The following DLC1 variants were observed in gnomAD, a reference collection of about 807,000 sequenced individuals.
DLC1 encodes DLC1 Rho GTPase activating protein, also known as rho GTPase-activating protein 7.
DLC1 carries 54 observed loss-of-function variants against 140.3 expected under a neutral mutation model. The ratio of observed to expected loss-of-function variants is 0.38; its 90% CI spans 0.31 to 0.48. The LOEUF (loss-of-function observed/expected upper bound fraction) is 0.48, where lower values mean the gene tolerates loss of function less well. DLC1 is among the 20% of genes least tolerant of loss of function. The pLI is 0.96. For missense variants in DLC1, 2,536 were observed against 1,907.0 expected (o/e 1.33, Z -6.14); for synonymous variants, 986 against 728.1 (o/e 1.35, Z -5.70).
chr8:13,088,796 A>G, intron 15 of DLC1, 92 bp from the exon 16 acceptor site: 1 of 1,042,400 alleles, frequency 9.6e-7, no homozygotes, highest in South Asian at 1.5e-5. Flanking sequence ...AATTTTAGTT[A>G]CATATAATCA....
chr8:13,236,835 G>C (rs1248394188), intron 5 of DLC1, among the ~76,000 whole-genome samples: 1 of 151,870 alleles, frequency 6.6e-6, no homozygotes, highest in Non-Finnish European at 1.5e-5. Context: ...CCCATGAGAA[G>C]TGTTCAGTGC....
intron 5 of DLC1, chr8:13,132,831 G>A: frequency 7.6e-7 from 1 of 1,319,220 alleles, no homozygotes; most frequent in Admixed American, 2.0e-5. Context: ...AGCGTTTAAA[G>A]AGCACAGAAC....
intron 6 of DLC1, among the ~76,000 whole-genome samples, chr8:13,113,104 G>C (rs1240799588): frequency 6.6e-6 from 1 of 152,158 alleles, no homozygotes; most frequent in Non-Finnish European, 1.5e-5. Context: ...TGCAAGTGAG[G>C]AGTGTAAGAA....
At chr8:13,484,425 C>T (rs939705248) in intron 2 of DLC1, among the ~76,000 whole-genome samples, 3 of 152,072 alleles carry the variant, frequency 2.0e-5, no homozygotes, top group East Asian at 1.9e-4. Flanking sequence ...ATCTAGCAGC[C>T]GTTCTCAATA....
intron 1 of DLC1, among the ~76,000 whole-genome samples, chr8:13,551,708 T>C (rs557971213): frequency 1.3e-5 from 2 of 151,942 alleles, no homozygotes; most frequent in South Asian, 2.1e-4. Flanking sequence ...GGCAAACATA[T>C]GTATCTATCA....
At chr8:13,168,791 G>A (rs1395663254) in intron 5 of DLC1, among the ~76,000 whole-genome samples, 2 of 152,294 alleles carry the variant, frequency 1.3e-5, no homozygotes, top group East Asian at 1.9e-4. Context: ...ACGGACACAC[G>A]GGTGACCTTC....
chr8:13,393,746 C>A (rs1258557166), intron 3 of DLC1, 53 bp from the exon 4 acceptor site: 9 of 1,570,282 alleles, frequency 5.7e-6, no homozygotes, highest in Non-Finnish European at 7.8e-6. Context: ...TTCCCAAATG[C>A]CCTTCTTCCT....
chr8:13,107,749 T>TCAGA (rs1819687101), intron 7 of DLC1, among the ~76,000 whole-genome samples: 1 of 152,168 alleles, frequency 6.6e-6, no homozygotes, highest in Non-Finnish European at 1.5e-5. Flanking sequence ...GAACTTGTAC[T>TCAGA]ACGTTTTAAA....
chr8:13,290,587 A>G (rs1220574625), intron 5 of DLC1, among the ~76,000 whole-genome samples: 1 of 152,292 alleles, frequency 6.6e-6, no homozygotes, highest in South Asian at 2.1e-4. Context: ...ATAGTAGGGG[A>G]AAAATGTCTT....
At chr8:13,487,649 C>T (rs1319164556) in intron 2 of DLC1, among the ~76,000 whole-genome samples, 1 of 151,816 alleles carries the variant, frequency 6.6e-6, no homozygotes, top group Non-Finnish European at 1.5e-5. Flanking sequence ...GTTCGGCTCA[C>T]TGCAACCTCC....
intron 2 of DLC1, among the ~76,000 whole-genome samples, chr8:13,474,992 T>G (rs944460756): frequency 1.3e-5 from 2 of 152,176 alleles, no homozygotes; most frequent in African/African-American, 4.8e-5. Flanking sequence ...ATTTTTGTGG[T>G]TGTTGAGAAA....
chr8:13,523,363 A>T (rs571735623), intron 1 of DLC1, among the ~76,000 whole-genome samples: 11 of 152,322 alleles, frequency 7.2e-5, no homozygotes, highest in African/African-American at 2.4e-4. Context: ...TGGAGTCATC[A>T]TCAATTAAAA....
At chr8:13,213,972 T>C (rs1224211720) in intron 5 of DLC1, among the ~76,000 whole-genome samples, 1 of 152,060 alleles carries the variant, frequency 6.6e-6, no homozygotes, top group African/African-American at 2.4e-5. Flanking sequence ...TTAGTAGAGA[T>C]GGGGTTTCTC....
intron 4 of DLC1, among the ~76,000 whole-genome samples, chr8:13,344,363 C>T (rs988569076): frequency 6.6e-6 from 1 of 152,120 alleles, no homozygotes; most frequent in Non-Finnish European, 1.5e-5. Flanking sequence ...CATGGTGGCA[C>T]ATGCCTGTAA....
intron 1 of DLC1, among the ~76,000 whole-genome samples, chr8:13,537,919 T>C (rs1585253038): frequency 6.6e-6 from 1 of 151,934 alleles, no homozygotes; most frequent in African/African-American, 2.4e-5. Flanking sequence ...CTCCCAAAGT[T>C]CTGGGATTAC....
chr8:13,304,736 C>T lies in DLC1; in HGVS notation c.1348+533G>A, dbSNP rs898044794. On this transcript the variant is annotated intron_variant, in intron 5 of 17. Transcript: ENST00000276297. ...AATTTTTCATATTTTCATTTCTCATCAGTCCTTGTCCATTTCCCATAATAC... is the reference window on the plus strand; with the variant it reads ...AATTTTTCATATTTTCATTTCTCATTAGTCCTTGTCCATTTCCCATAATAC... 3 of 958,948 alleles carry T rather than the reference C, an allele frequency of 3.1e-6. No individual in the cohort carries two copies. In the African/African-American group the frequency reaches 5.3e-5, roughly 17 times the overall value. The allele number at this position is 958,948 out of a possible 1,614,324, so 59.4% of individuals were successfully genotyped here. A position where few individuals can be genotyped will look rare whatever the true frequency, so the allele number is the denominator to read the frequency against.
chr8:13,102,425 T>C (rs1819172636), intron 8 of DLC1, among the ~76,000 whole-genome samples: 1 of 152,178 alleles, frequency 6.6e-6, no homozygotes, highest in Non-Finnish European at 1.5e-5. Flanking sequence ...ATTGTTATAT[T>C]TGGGAAGACA....
intron 5 of DLC1, among the ~76,000 whole-genome samples, chr8:13,166,857 A>G (rs1585821454): frequency 6.6e-6 from 1 of 152,138 alleles, no homozygotes; most frequent in African/African-American, 2.4e-5. Context: ...CTGAGAGGTG[A>G]GTTTAGAGGA....
chr8:13,155,246 C>G (rs1010715280), intron 5 of DLC1, among the ~76,000 whole-genome samples: 1 of 150,936 alleles, frequency 6.6e-6, no homozygotes, highest in Non-Finnish European at 1.5e-5. Flanking sequence ...TTTAACTAGT[C>G]TTCTGTTGAT....
Sources: gnomAD v4.1 joint callset for allele counts (sites outside exome capture counted in the v4.1 genomes callset) on GRCh38, gnomAD v4.1.1 for gene constraint, MANE v1.5 for transcripts, NCBI Gene and HGNC (gene_info 2026-07-23, HGNC 2026-07-21) for gene names.